The following MEGF8 variants were observed in gnomAD, a reference collection of about 807,000 sequenced individuals.
MEGF8 encodes multiple epidermal growth factor-like domains protein 8.
In MEGF8, 156 loss-of-function variants were observed where a neutral mutation model predicts 302.9. The observed-to-expected ratio is 0.52, with a 90% confidence interval of 0.45 to 0.59. The LOEUF (loss-of-function observed/expected upper bound fraction) is 0.59. Among genes scored for constraint, MEGF8 ranks in the 20% least tolerant of loss-of-function variants. MEGF8 has a pLI of 0.00. For missense variants in MEGF8, 3,345 were observed against 3,964.5 expected, an observed-to-expected ratio of 0.84 and a Z score of 4.20; for synonymous variants, 1,621 against 1,660.5, an observed-to-expected ratio of 0.98 and a Z score of 0.58.
rs990106931 is a variant in MEGF8 at position 42,352,812 on chromosome 19, A to C, written c.3351-116A>C. Reference sequence around the variant, plus strand: ...GGAGACAGGGTCACCCACATAGCCCAAAACCATGGAAACAGCCAGTGGCTT... The same window carrying C: ...GGAGACAGGGTCACCCACATAGCCCCAAACCATGGAAACAGCCAGTGGCTT... On this transcript the variant is annotated intron_variant, in intron 19 of 41. Transcript: ENST00000251268. The surrounding 1 kb of genome is among the most constrained non-coding windows in gnomAD (Gnocchi z 4.4). 1.2e-6 allele frequency: 1 copy of C among 836,036 alleles called. No individual in the cohort carries two copies. 51.8% of individuals were successfully genotyped at this position (836,036 alleles called of 1,614,324 possible).
chr19:42,349,358 G>C, intron 13 of MEGF8, 141 bp from the exon 14 acceptor site: 1 of 643,002 alleles, frequency 1.6e-6, no homozygotes, highest in East Asian at 2.8e-5. Context: ...TCTCACCTCT[G>C]AGGTTCTCAG....
intron 8 of MEGF8, among the ~76,000 whole-genome samples, chr19:42,339,125 C>T (rs370429977): frequency 1.3e-5 from 2 of 152,118 alleles, no homozygotes; most frequent in Admixed American, 1.3e-4. Context: ...TGAGCCAATG[C>T]GCCTGGCCTC....
At position 42,353,171 on chromosome 19, in the gene MEGF8, T is replaced by C; in HGVS notation, c.3550+44T>C. ...GGGCCCAGCCTGGACCCAGGGAGCC[T>C]CCTCCCTTCTTGGGGCTCCAGTTTG... is the stretch of plus-strand genomic sequence containing the variant. On this transcript the variant is annotated intron_variant, in intron 20 of 41. Coordinates refer to ENST00000251268, the MANE Select transcript of MEGF8 (RefSeq NM_001271938.2). This position sits in a 1 kb window ranked among gnomAD's most constrained non-coding sequence, Gnocchi z 6.1. 6.8e-7 allele frequency: 1 copy of C among 1,476,130 alleles called. No individual in the cohort carries two copies. Among genetic ancestry groups the C allele is most frequent in the Non-Finnish European group, 9.0e-7 (1 of 1,106,366 alleles). The allele number at this position is 1,476,130 out of a possible 1,614,324, so 91.4% of individuals were successfully genotyped here. A position where few individuals can be genotyped will look rare whatever the true frequency, so the allele number is the denominator to read the frequency against.
At chr19:42,363,358 CCCT>C in intron 35 of MEGF8, 96 bp downstream of exon 35, 2 of 1,037,062 alleles carry the variant, frequency 1.9e-6, no homozygotes, top group South Asian at 3.0e-5. Flanking sequence ...ATCTCCTCCA[CCCT>C]CCTCCTTCCA....
At chr19:42,332,536 T>G (rs1183234594) in intron 1 of MEGF8, among the ~76,000 whole-genome samples, 2 of 152,134 alleles carry the variant, frequency 1.3e-5, no homozygotes, top group Non-Finnish European at 2.9e-5. Flanking sequence ...CCCAGCTAAT[T>G]TTTGTATTTT....
At position 42,352,525 on chromosome 19, in the gene MEGF8, G is replaced by A; in HGVS notation, c.3350+69G>A. ...GGGCACATGGAGGTGGAGGGAGGAA[G>A]CCATCATGGCGCTGGGTCCCCTCCT... On this transcript the variant is annotated intron_variant, in intron 19 of 41. Transcript: ENST00000251268. This position sits in a 1 kb window ranked among gnomAD's most constrained non-coding sequence, Gnocchi z 4.4. The A allele has an allele frequency of 6.7e-7, 1 of 1,495,016 alleles. No individual in the cohort carries two copies. The highest frequency in any genetic ancestry group is 9.0e-7 in the Non-Finnish European group (1 of 1,114,018). The allele number at this position is 1,495,016 out of a possible 1,614,324, so 92.6% of individuals were successfully genotyped here.
rs1404815017 is a variant in MEGF8 at position 42,348,335 on chromosome 19, G to A, written c.2161G>A (p.Val721Ile). 1 of 1,537,500 alleles carries A rather than the reference G, an allele frequency of 6.5e-7. No homozygotes were observed. The highest frequency in any genetic ancestry group is 2.4e-5 in the East Asian group (1 of 40,924). The change falls in exon 13 of 42, where the codon GTC becomes ATC. Residue 721 changes from valine to isoleucine, a missense_variant. Physicochemically the swap from Val to Ile is conservative, Grantham distance 29. Transcript: ENST00000251268. ...TPSAETDVSLVYRGFIYPMLP... is the reference protein window; with the variant it reads ...TPSAETDVSLIYRGFIYPMLP... ...CAGCGCAGAGACAGATGTGTCCCTG[G>A]TCTACCGTGGCTTCATCTACCCAAT...
chr19:42,360,568 C>CA (rs2039517357), intron 31 of MEGF8, among the ~76,000 whole-genome samples: 1 of 152,156 alleles, frequency 6.6e-6, no homozygotes. Flanking sequence ...TGGTCTTAAA[C>CA]TCCTGGGCTC....
Position 42,357,129 on chromosome 19 carries a change from T to C in MEGF8, c.4830+148T>C. ...GCCATCCTGGGTCACACTGTTGTCC[T>C]GAGCCAGTCCTGGGCTGGGACACAG... On this transcript the variant is annotated intron_variant, in intron 27 of 41. Coordinates refer to ENST00000251268, the MANE Select transcript of MEGF8 (RefSeq NM_001271938.2). The surrounding 1 kb of genome is among the most constrained non-coding windows in gnomAD (Gnocchi z 5.2). 1.1e-6 allele frequency: 1 copy of C among 951,120 alleles called. No homozygotes were observed. Among genetic ancestry groups the C allele is most frequent in the Non-Finnish European group, 1.5e-6 (1 of 651,896 alleles). The allele number at this position is 951,120 out of a possible 1,614,324, so 58.9% of individuals were successfully genotyped here.
At chr19:42,332,703 G>C (rs2147444638) in intron 1 of MEGF8, among the ~76,000 whole-genome samples, 1 of 152,336 alleles carries the variant, frequency 6.6e-6, no homozygotes, top group East Asian at 1.9e-4. Context: ...TGTGTTCTGA[G>C]AAGGAGCATT....
In MEGF8 at chr19:42,378,115, G is replaced by A. The variant is rs1405234860; in HGVS notation, c.*1340G>A. On this transcript the variant is annotated 3_prime_UTR_variant, in exon 42 of 42. Coordinates refer to ENST00000251268, the MANE Select transcript of MEGF8 (RefSeq NM_001271938.2). ...TGCCCTTCAGACATCTCTTCACTCA[G>A]GTCCAACTAGGGATACAGAAACACT... The A allele has an allele frequency of 2.0e-5, 3 of 152,172 alleles. No individual in the cohort carries two copies. Among genetic ancestry groups the A allele is most frequent in the Non-Finnish European group, 2.9e-5 (2 of 68,044 alleles). The allele number at this position is 152,172 out of a possible 1,614,324, so 9.4% of individuals were successfully genotyped here. A position where few individuals can be genotyped will look rare whatever the true frequency, so the allele number is the denominator to read the frequency against.
At chr19:42,350,091 A>G in intron 14 of MEGF8, 57 bp from the exon 15 acceptor site, 2 of 1,407,238 alleles carry the variant, frequency 1.4e-6, no homozygotes, top group Non-Finnish European at 2.0e-6. Flanking sequence ...AGTTAGCGCC[A>G]GACTCTGACC....
At chr19:42,350,076 C>G (rs994108892) in intron 14 of MEGF8, 72 bp from the exon 15 acceptor site, 2 of 1,284,536 alleles carry the variant, frequency 1.6e-6, no homozygotes, top group African/African-American at 3.0e-5. Flanking sequence ...CAAACCCTTA[C>G]TTTCAGTTAG....
intron 41 of MEGF8, among the ~76,000 whole-genome samples, chr19:42,372,470 C>A (rs851295): frequency 0.012 from 1,754 of 152,176 alleles, 43 homozygotes; most frequent in African/African-American, 0.04. Context: ...CCCGCCACCT[C>A]CCCGCCACCT....
Position 42,369,056 on chromosome 19 carries a change from G to A in MEGF8, c.6641+54G>A. 1 of 1,596,190 alleles carries A rather than the reference G, an allele frequency of 6.3e-7. No homozygotes were observed. On this transcript the variant is annotated intron_variant, in intron 37 of 41. Transcript: ENST00000251268. The surrounding 1 kb of genome is among the most constrained non-coding windows in gnomAD (Gnocchi z 5.7). The stretch of plus-strand genomic sequence containing the variant: ...GCAGGCTAGGGTGGGAGAGTCTGTG[G>A]GGAGCAGTAATGGATGAGGCCTAGA...
In MEGF8 at chr19:42,335,155, G is replaced by C; in HGVS notation, c.679G>C (p.Ala227Pro). The change falls in exon 4 of 42, where the codon GCC becomes CCC. Residue 227 changes from alanine to proline, a missense_variant. Ala to Pro is a conservative substitution (Grantham distance 27). Transcript: ENST00000251268. ...GAGTGCCAGGGACCCTGCCTTCTCTGCCCGTATTGGGGCAGCTGGCGCCTT... is the reference window on the plus strand; with the variant it reads ...GAGTGCCAGGGACCCTGCCTTCTCTCCCCGTATTGGGGCAGCTGGCGCCTT... Reference protein sequence around the residue: ...NVSARDPAFSARIGAAGAFLS... With the variant: ...NVSARDPAFSPRIGAAGAFLS... The C allele has an allele frequency of 1.2e-6, 2 of 1,613,940 alleles. No individual in the cohort carries two copies. The highest frequency in any genetic ancestry group is 2.2e-5 in the South Asian group (2 of 91,084).
chr19:42,343,085 T>G (rs1325080563), intron 8 of MEGF8, among the ~76,000 whole-genome samples: 1 of 152,154 alleles, frequency 6.6e-6, no homozygotes, highest in East Asian at 1.9e-4. Context: ...TACTGGGGGC[T>G]CAGCAGATTC....
Position 42,356,919 on chromosome 19 carries a change from G to A in MEGF8, c.4768G>A (p.Gly1590Arg), listed in dbSNP as rs1168370746. The A allele has an allele frequency of 6.2e-7, 1 of 1,610,848 alleles. No individual in the cohort carries two copies. The highest frequency in any genetic ancestry group is 2.2e-5 in the East Asian group (1 of 44,808). ...GTATCTGCTGGGGGGACTTACCGCT[G>A]GAGGCGTCACCCGTGATTTCTGGGT... is the stretch of plus-strand genomic sequence containing the variant. ...AMYLLGGLTA[G>R]GVTRDFWVLN... The change falls in exon 27 of 42, where the codon GGA (glycine) becomes AGA (arginine). Residue 1590 changes from glycine (G) to arginine (R), a missense_variant. Physicochemically the swap from Gly to Arg is moderately radical, Grantham distance 125. Transcript: ENST00000251268. This position sits in a 1 kb window ranked among gnomAD's most constrained non-coding sequence, Gnocchi z 5.2.
At chr19:42,349,070 C>T (rs1047169333) in intron 13 of MEGF8, among the ~76,000 whole-genome samples, 1 of 152,062 alleles carries the variant, frequency 6.6e-6, no homozygotes, top group Non-Finnish European at 1.5e-5. Context: ...GAGGTAGGGG[C>T]AGGTGGATTG....
Sources: allele counts gnomAD v4.1 joint callset (sites outside exome capture counted in the v4.1 genomes callset), GRCh38; gene constraint gnomAD v4.1.1; non-coding constraint Gnocchi (gnomAD v3.1); transcripts MANE v1.5; gene names NCBI Gene and HGNC (gene_info 2026-07-23, HGNC 2026-07-21).